The following GREB1L variants were observed in gnomAD, a reference collection of about 807,000 sequenced individuals.
The protein encoded by GREB1L is GREB1 like retinoic acid receptor coactivator, also known as GREB1-like protein.
GREB1L carries 17 observed loss-of-function variants against 200.8 expected under a neutral mutation model. That is an observed-to-expected ratio of 0.08 (90% CI 0.06 to 0.13). The LOEUF is 0.13. Among genes scored for constraint, GREB1L ranks in the 10% least tolerant of loss-of-function variants. GREB1L has a pLI of 1.00. For synonymous variants in GREB1L, 789 were observed against 893.0 expected, an observed-to-expected ratio of 0.88 and a Z score of 2.08; for missense variants, 1,657 against 2,367.7, an observed-to-expected ratio of 0.70 and a Z score of 6.23.
chr18:21,452,198 G>T lies in GREB1L; in HGVS notation c.1965G>T (p.Met655Ile). Residue 655 changes from methionine (M) to isoleucine (I), a missense_variant, in exon 14 of 33, where the codon ATG becomes ATT. Transcript: ENST00000424526. Reference sequence around the variant, plus strand: ...TGTCACCCCAGGAGGCTGCTGCTATGATTCCCACACAAAACCTGGGTAATG... The same window carrying T: ...TGTCACCCCAGGAGGCTGCTGCTATTATTCCCACACAAAACCTGGGTAATG... ...ECVSPQEAAA[M>I]IPTQNLDLDN... 6.4e-7 allele frequency: 1 copy of T among 1,551,640 alleles called. No individual in the cohort carries two copies. Among genetic ancestry groups the T allele is most frequent in the Non-Finnish European group, 8.7e-7 (1 of 1,146,920 alleles).
chr18:21,321,412 C>T (rs571055088), intron 1 of GREB1L, among the ~76,000 whole-genome samples: 14 of 151,984 alleles, frequency 9.2e-5, no homozygotes, highest in Non-Finnish European at 1.2e-4. Context: ...AGGCCAGGCA[C>T]GGTTGCTCAC....
intron 1 of GREB1L, among the ~76,000 whole-genome samples, chr18:21,277,204 A>T (rs1342296326): frequency 6.6e-6 from 1 of 152,082 alleles, no homozygotes; most frequent in African/African-American, 2.4e-5. Flanking sequence ...CTGGGATTAC[A>T]GGCGTGAGCC....
intron 1 of GREB1L, among the ~76,000 whole-genome samples, chr18:21,309,789 G>C (rs981384424): frequency 5.3e-5 from 8 of 152,016 alleles, no homozygotes; most frequent in Non-Finnish European, 8.8e-5. Flanking sequence ...TCACGGTCTA[G>C]CAATGTCTGG....
At chr18:21,369,734 T>TAA in intron 2 of GREB1L, among the ~76,000 whole-genome samples, 1 of 152,088 alleles carries the variant, frequency 6.6e-6, no homozygotes, top group South Asian at 2.1e-4. Flanking sequence ...TTACAAACTA[T>TAA]AAAAATAAAT....
intron 11 of GREB1L, among the ~76,000 whole-genome samples, chr18:21,447,486 G>A (rs145972713): frequency 1.5e-3 from 221 of 152,288 alleles, no homozygotes; most frequent in African/African-American, 5.2e-3. Flanking sequence ...AAAGGATGTT[G>A]TGAACATGTT....
intron 7 of GREB1L, among the ~76,000 whole-genome samples, chr18:21,429,911 C>T (rs1225793449): frequency 3.9e-5 from 6 of 152,080 alleles, no homozygotes; most frequent in Non-Finnish European, 5.9e-5. Flanking sequence ...TATTTTCACA[C>T]GGTCCTGGAC....
intron 12 of GREB1L, 180 bp from the exon 13 acceptor site, chr18:21,450,843 G>C (rs538369220): frequency 1.8e-6 from 1 of 546,284 alleles, no homozygotes; most frequent in East Asian, 3.0e-5. Context: ...TCTGTCTAGA[G>C]TCAGAATTGA....
intron 15 of GREB1L, among the ~76,000 whole-genome samples, chr18:21,463,206 C>T (rs1472337183): frequency 2.5e-5 from 3 of 119,040 alleles, no homozygotes; most frequent in Non-Finnish European, 4.8e-5. Flanking sequence ...AGTGCAGTGG[C>T]GTGATCTCGG....
At chr18:21,311,591 A>G (rs1174944558) in intron 1 of GREB1L, among the ~76,000 whole-genome samples, 1 of 152,190 alleles carries the variant, frequency 6.6e-6, no homozygotes, top group East Asian at 1.9e-4. Flanking sequence ...CCCTCCAGGT[A>G]CATGTGCTGC....
chr18:21,336,428 A>G (rs2039186703), intron 1 of GREB1L, among the ~76,000 whole-genome samples: 1 of 152,156 alleles, frequency 6.6e-6, no homozygotes, highest in Non-Finnish European at 1.5e-5. Flanking sequence ...AGAGACCCTG[A>G]TTGCTTTACC....
chr18:21,388,138 A>G (rs1475732997), intron 4 of GREB1L, among the ~76,000 whole-genome samples: 1 of 152,060 alleles, frequency 6.6e-6, no homozygotes, highest in Non-Finnish European at 1.5e-5. Flanking sequence ...TTTCTTCTGG[A>G]CCCTGTTCCT....
chr18:21,261,661 G>A (rs532524446), intron 1 of GREB1L, among the ~76,000 whole-genome samples: 1 of 152,086 alleles, frequency 6.6e-6, no homozygotes, highest in Non-Finnish European at 1.5e-5. Context: ...ACTGTAGCAT[G>A]CCAATAAAAT....
At chr18:21,281,441 G>A (rs770535013) in intron 1 of GREB1L, among the ~76,000 whole-genome samples, 1 of 152,112 alleles carries the variant, frequency 6.6e-6, no homozygotes, top group Non-Finnish European at 1.5e-5. Flanking sequence ...TTTTAGTTGG[G>A]TTTTGGTAGG....
intron 1 of GREB1L, among the ~76,000 whole-genome samples, chr18:21,353,050 C>T (rs549982675): frequency 9.2e-5 from 14 of 151,832 alleles, no homozygotes; most frequent in African/African-American, 3.1e-4. Flanking sequence ...GGCATGGTGG[C>T]GGGCGCCTGT....
Position 21,499,884 on chromosome 18 carries a change from A to G in GREB1L, c.3547A>G (p.Lys1183Glu). ...SAGAGAGETL[K>E]QECDSLGPQM... Reference sequence around the variant, plus strand: ...TGGAGCCGGAGCCGGGGAGACTCTGAAGCAGGAATGTGACTCCCTGGGCCC... The same window carrying G: ...TGGAGCCGGAGCCGGGGAGACTCTGGAGCAGGAATGTGACTCCCTGGGCCC... The change falls in exon 22 of 33, where the codon AAG becomes GAG. Residue 1183 changes from lysine (K) to glutamate (E), a missense_variant. By Grantham distance (56) the Lys-to-Glu change is moderately conservative. Coordinates refer to ENST00000424526, the MANE Select transcript of GREB1L (RefSeq NM_001142966.3). The G allele has an allele frequency of 6.4e-7, 1 of 1,550,556 alleles. No individual in the cohort carries two copies. The highest frequency in any genetic ancestry group is 2.0e-5 in the Admixed American group (1 of 50,822).
chr18:21,485,399 A>G, intron 17 of GREB1L: 1 of 418,512 alleles, frequency 2.4e-6, no homozygotes. Flanking sequence ...TCAACTTTCC[A>G]CTAATCACAT....
chr18:21,491,068 C>T (rs1331159613), intron 19 of GREB1L, among the ~76,000 whole-genome samples: 25 of 152,184 alleles, frequency 1.6e-4, no homozygotes, highest in Admixed American at 1.6e-3. Context: ...GCCAACTAAC[C>T]TAACTCCCTA....
At chr18:21,243,410 C>T (rs1383892459) in intron 1 of GREB1L, among the ~76,000 whole-genome samples, 1 of 152,200 alleles carries the variant, frequency 6.6e-6, no homozygotes, top group African/African-American at 2.4e-5. Flanking sequence ...CTTATCCTCC[C>T]CACCCACTCC....
At chr18:21,303,896 C>A (rs11874318) in intron 1 of GREB1L, among the ~76,000 whole-genome samples, 29,011 of 152,014 alleles carry the variant, frequency 0.19, 6,517 homozygotes, top group African/African-American at 0.54. Flanking sequence ...GTAAAGTAAA[C>A]GAGGGTCAAT....
Sources: gnomAD v4.1 joint callset for allele counts (sites outside exome capture counted in the v4.1 genomes callset) on GRCh38, gnomAD v4.1.1 for gene constraint, MANE v1.5 for transcripts, NCBI Gene and HGNC (gene_info 2026-07-23, HGNC 2026-07-21) for gene names.